Variants in CDK14 observed in about 807,000 individuals in gnomAD.
The protein encoded by CDK14 is cyclin dependent kinase 14.
Under a neutral mutation model 60.7 loss-of-function variants are expected in CDK14, and 34 were observed. The ratio of observed to expected loss-of-function variants is 0.56; its 90% CI spans 0.43 to 0.75. CDK14 has a LOEUF of 0.75. Ranked by LOEUF, CDK14 falls within the 30% of genes least tolerant of loss-of-function variation. CDK14 has a pLI of 0.00. For missense variants in CDK14, 482 were observed against 564.1 expected, an observed-to-expected ratio of 0.85 and a Z score of 1.47; for synonymous variants, 197 against 203.7, an observed-to-expected ratio of 0.97 and a Z score of 0.28.
At chr7:90,885,041 C>T (rs576697975) in intron 6 of CDK14, among the ~76,000 whole-genome samples, 2 of 152,264 alleles carry the variant, frequency 1.3e-5, no homozygotes, top group Admixed American at 6.5e-5. Context: ...GATGTCATGA[C>T]AGAAACGCCA....
At position 91,210,075 on chromosome 7, in the gene CDK14, A is replaced by G. The variant is rs1206679725; in HGVS notation, c.*2939A>G. 6.6e-6 allele frequency: 1 copy of G among 152,666 alleles called. No individual in the cohort carries two copies. Among genetic ancestry groups the G allele is most frequent in the Non-Finnish European group, 1.5e-5 (1 of 68,046 alleles). 9.5% of individuals were successfully genotyped at this position (152,666 alleles called of 1,614,324 possible). On this transcript the variant is annotated 3_prime_UTR_variant, in exon 15 of 15. Coordinates refer to ENST00000380050, the MANE Select transcript of CDK14 (RefSeq NM_001287135.2). The stretch of plus-strand genomic sequence containing the variant: ...ATGTTTAGGCTGTATATACTGGGGT[A>G]GATTATTGCCTGCCCCTTATACATA...
chr7:90,800,816 G>C (rs1169806452), intron 5 of CDK14, among the ~76,000 whole-genome samples: 1 of 152,196 alleles, frequency 6.6e-6, no homozygotes. Context: ...GCCAGTTCAT[G>C]CTTCTTTTAG....
intron 9 of CDK14, among the ~76,000 whole-genome samples, chr7:90,963,714 T>TTC (rs1428046894): frequency 7.9e-4 from 99 of 125,048 alleles, no homozygotes; most frequent in Middle Eastern, 4.4e-3. Context: ...TTCTTTTCTT[T>TTC]TTTTTTTTTT....
chr7:91,002,802 G>A lies in CDK14; in HGVS notation c.1041+18561G>A, dbSNP rs10245835. On this transcript the variant is annotated intron_variant, in intron 10 of 14. Transcript: ENST00000380050. Reference sequence around the variant, plus strand: ...AAGAATATCAGATGTGGCCGGGCCCGGTGGTTCACAGCTGTAATTCAGCAC... The same window carrying A: ...AAGAATATCAGATGTGGCCGGGCCCAGTGGTTCACAGCTGTAATTCAGCAC... Among the ~76,000 whole-genome samples the A allele has an allele frequency of 4.7e-3, 709 of 152,200 alleles. 3 individuals are homozygous for A. Among genetic ancestry groups the A allele is most frequent in the African/African-American group, 0.012 (509 of 41,520 alleles).
intron 6 of CDK14, among the ~76,000 whole-genome samples, chr7:90,874,064 A>C (rs534778343): frequency 1.5e-3 from 231 of 152,004 alleles, no homozygotes; most frequent in Non-Finnish European, 2.5e-3. Context: ...TTCTGTTATT[A>C]ATTCAGGGCC....
At chr7:90,923,159 A>G (rs1383793955) in intron 8 of CDK14, among the ~76,000 whole-genome samples, 1 of 135,832 alleles carries the variant, frequency 7.4e-6, no homozygotes, top group Non-Finnish European at 1.5e-5. Flanking sequence ...CCCAGGCTGG[A>G]GTGTAGTGGC....
At chr7:91,202,599 T>C (rs1562993176) in intron 14 of CDK14, among the ~76,000 whole-genome samples, 1 of 152,218 alleles carries the variant, frequency 6.6e-6, no homozygotes, top group Non-Finnish European at 1.5e-5. Flanking sequence ...TAGATTTTCT[T>C]AAAAATTTTC....
intron 2 of CDK14, among the ~76,000 whole-genome samples, chr7:90,605,601 T>A (rs7792632): frequency 0.28 from 41,896 of 152,040 alleles, 6,249 homozygotes; most frequent in Middle Eastern, 0.41. Context: ...ATTTTTCTCT[T>A]TGTAAAGAAA....
At chr7:90,796,100 C>T (rs1298838901) in intron 5 of CDK14, among the ~76,000 whole-genome samples, 1 of 152,138 alleles carries the variant, frequency 6.6e-6, no homozygotes, top group Non-Finnish European at 1.5e-5. Flanking sequence ...AACATAATTT[C>T]ATTTTAAGCC....
chr7:90,709,765 C>T, intron 2 of CDK14: 3 of 1,395,256 alleles, frequency 2.2e-6, no homozygotes, highest in Non-Finnish European at 1.9e-6. Context: ...TAGGGGATTT[C>T]TGGGCTTTTT....
At chr7:90,683,094 C>T (rs1801354083) in intron 2 of CDK14, among the ~76,000 whole-genome samples, 1 of 152,178 alleles carries the variant, frequency 6.6e-6, no homozygotes, top group South Asian at 2.1e-4. Flanking sequence ...CCTTGCTCCT[C>T]ATTAAAATAT....
At chr7:90,849,924 C>T (rs1044833281) in intron 5 of CDK14, among the ~76,000 whole-genome samples, 25 of 151,876 alleles carry the variant, frequency 1.6e-4, no homozygotes, top group Non-Finnish European at 2.8e-4. Flanking sequence ...TTTCAGTTTC[C>T]GACATGTGCT....
At chr7:90,928,163 C>G (rs1037251014) in intron 8 of CDK14, among the ~76,000 whole-genome samples, 4 of 152,196 alleles carry the variant, frequency 2.6e-5, no homozygotes, top group Non-Finnish European at 5.9e-5. Context: ...GTTTAAACAT[C>G]CTCCTTTAGC....
intron 8 of CDK14, among the ~76,000 whole-genome samples, chr7:90,935,566 T>C (rs1356826040): frequency 2.0e-5 from 3 of 152,236 alleles, no homozygotes; most frequent in African/African-American, 7.2e-5. Context: ...ATCTTATGAT[T>C]ACAGTAGCTA....
Position 90,634,430 on chromosome 7 carries a change from A to G in CDK14, c.123+30181A>G, listed in dbSNP as rs981872355. ...GATAGTTTACTGAGAATGATTTCCA[A>G]TTTCATCCATGTCCCTACAAAGGAC... On this transcript the variant is annotated intron_variant, in intron 2 of 14. Transcript: ENST00000380050. 1.1e-4 allele frequency among the ~76,000 whole-genome samples: 17 copies of G among 150,706 alleles called. No homozygotes were observed. In the South Asian group the frequency reaches 1.3e-3, roughly 11 times the overall value.
At chr7:90,828,621 T>C (rs1245813856) in intron 5 of CDK14, among the ~76,000 whole-genome samples, 1 of 152,212 alleles carries the variant, frequency 6.6e-6, no homozygotes, top group Non-Finnish European at 1.5e-5. Flanking sequence ...GTAGCTATAC[T>C]GCTAAGATCT....
rs1799322456 is a variant in CDK14, at chr7:90,601,922, T to TATG, written c.92-2296_92-2295insATG. ...GCACCACCACCACGCTTGGCTAATTTTATGTATGTATGTATGTATGTATGT... is the reference window on the plus strand; with the variant it reads ...GCACCACCACCACGCTTGGCTAATTTATGTATGTATGTATGTATGTATGTATGT... On this transcript the variant is annotated intron_variant, in intron 1 of 14. Transcript: ENST00000380050. 1.7e-3 allele frequency among the ~76,000 whole-genome samples: 240 copies of TATG among 143,388 alleles called. 2 individuals carry two copies. The highest frequency in any genetic ancestry group is 5.7e-3 in the African/African-American group (218 of 38,164). 94.1% of individuals were successfully genotyped at this position (143,388 alleles called of 152,430 possible).
At chr7:90,986,554 A>G (rs1019791209) in intron 10 of CDK14, among the ~76,000 whole-genome samples, 2 of 151,940 alleles carry the variant, frequency 1.3e-5, no homozygotes, top group Non-Finnish European at 2.9e-5. Flanking sequence ...TTGTATAAAC[A>G]TGTTTGGTTT....
At chr7:90,625,712 C>T (rs1466355088) in intron 2 of CDK14, among the ~76,000 whole-genome samples, 1 of 152,182 alleles carries the variant, frequency 6.6e-6, no homozygotes, top group Non-Finnish European at 1.5e-5. Flanking sequence ...CTCACCCATC[C>T]CCCAGCATGC....
Sources: gnomAD v4.1 joint callset for allele counts (sites outside exome capture counted in the v4.1 genomes callset) on GRCh38, gnomAD v4.1.1 for gene constraint, MANE v1.5 for transcripts, NCBI Gene and HGNC (gene_info 2026-07-23, HGNC 2026-07-21) for gene names.